CCDC88C: variants seen among roughly 807,000 people sequenced by gnomAD.
CCDC88C encodes protein Daple.
Under a neutral mutation model 198.8 loss-of-function variants are expected in CCDC88C, and 131 were observed. The observed-to-expected ratio is 0.66, with a 90% CI of 0.57 to 0.76. The LOEUF is 0.76. CCDC88C is among the 30% of genes least tolerant of loss of function. The pLI is 0.00. For synonymous variants in CCDC88C, 1,166 were observed against 1,114.7 expected, an observed-to-expected ratio of 1.05 and a Z score of -0.92; for missense variants, 2,553 against 2,631.6, an observed-to-expected ratio of 0.97 and a Z score of 0.65.
In CCDC88C at chr14:91,325,929, T is replaced by A; in HGVS notation, c.1178A>T (p.Lys393Met). The part of the protein sequence containing the change: ...LEKENLQLKS[K>M]LHDLELDRDT... ...CAGTACCAATTCCAGGTCGTGAAGCTTGGATTTCAGCTGCAGGTTCTCCTT... is the reference window on the plus strand; with the variant it reads ...CAGTACCAATTCCAGGTCGTGAAGCATGGATTTCAGCTGCAGGTTCTCCTT... The change falls in exon 11 of 30, where the codon AAG (lysine) becomes ATG (methionine). Residue 393 changes from lysine to methionine, a missense_variant. Transcript: ENST00000389857. The surrounding 1 kb of genome is among the most constrained non-coding windows in gnomAD (Gnocchi z 4.1). 6.4e-7 allele frequency: 1 copy of A among 1,553,606 alleles called. No homozygotes were observed. Among genetic ancestry groups the A allele is most frequent in the South Asian group, 1.2e-5 (1 of 84,212 alleles).
chr14:91,296,052 A>G (rs10143270), intron 22 of CCDC88C, among the ~76,000 whole-genome samples: 58,424 of 152,088 alleles, frequency 0.38, 11,403 homozygotes, highest in Non-Finnish European at 0.42. Flanking sequence ...CAGCCTCCCA[A>G]CCGGAAGAAA....
At chr14:91,334,979 G>A (rs1892988201) in intron 10 of CCDC88C, among the ~76,000 whole-genome samples, 1 of 152,182 alleles carries the variant, frequency 6.6e-6, no homozygotes, top group Non-Finnish European at 1.5e-5. Flanking sequence ...CTCGGCTTCT[G>A]CAGGTATCTG....
In CCDC88C at chr14:91,315,688, T is replaced by G; in HGVS notation, c.1627A>C (p.Ser543Arg). The change falls in exon 14 of 30, where the codon AGT (serine) becomes CGT (arginine). Residue 543 changes from serine to arginine, a missense_variant. Ser to Arg is a moderately radical substitution (Grantham distance 110). Around this residue, in one of 2 missense-constraint regions of CCDC88C, gnomAD observed 1,260 missense variants for 1,412.0 expected, o/e 0.89. Coordinates refer to ENST00000389857, the MANE Select transcript of CCDC88C (RefSeq NM_001080414.4). The stretch of plus-strand genomic sequence containing the variant: ...TCAGCCTTCAGGGTCTCCATGTCAC[T>G]CTGCAGCTGCTCCTTCTCTCTGATC... ...ELIREKEQLQ[S>R]DMETLKADKA... is the part of the protein sequence containing the mutation. 6.2e-7 allele frequency: 1 copy of G among 1,613,928 alleles called. No individual in the cohort carries two copies.
Position 91,313,856 on chromosome 14 carries a change from G to A in CCDC88C, c.1960C>T (p.Leu654=), listed in dbSNP as rs750797069. 3.7e-6 allele frequency: 6 copies of A among 1,603,758 alleles called. No homozygotes were observed. The highest frequency in any genetic ancestry group is 3.3e-5 in the South Asian group (3 of 90,572). Residue 654 remains leucine, a synonymous_variant, in exon 15 of 30, where the codon CTG becomes TTG. Coordinates refer to ENST00000389857, the MANE Select transcript of CCDC88C (RefSeq NM_001080414.4). This position sits in a 1 kb window ranked among gnomAD's most constrained non-coding sequence, Gnocchi z 5.2. ...NGRLARKVTS[L]ETATEKVEAL... ...TCGACTTTCTCGGTGGCTGTCTCCA[G>A]GGAGGTCACCTTCCTGGCCAGCCTC... is the stretch of plus-strand genomic sequence containing the variant.
chr14:91,362,651 C>A (rs370193860), intron 3 of CCDC88C, among the ~76,000 whole-genome samples: 10 of 152,102 alleles, frequency 6.6e-5, no homozygotes, highest in African/African-American at 2.4e-4. Context: ...AACGTTTTGC[C>A]GGGCGCGGTG....
intron 4 of CCDC88C, among the ~76,000 whole-genome samples, chr14:91,344,883 A>C (rs1320680315): frequency 7.3e-6 from 1 of 137,332 alleles, no homozygotes; most frequent in African/African-American, 2.8e-5. Context: ...TGCAGCTTCC[A>C]CCTCCTGGGT....
At chr14:91,321,739 G>A (rs1476588131) in intron 12 of CCDC88C, among the ~76,000 whole-genome samples, 2 of 152,176 alleles carry the variant, frequency 1.3e-5, no homozygotes, top group Admixed American at 6.5e-5. Context: ...GACCACTCCC[G>A]TTGGCCATGG....
In CCDC88C at chr14:91,416,789, A is replaced by G. The variant is rs1210121910; in HGVS notation, c.110T>C (p.Met37Thr). Reference sequence around the variant, plus strand: ...GATGCCGTCCACTAAATCCATGTACATAGTCAGGTTGTCCTGGCTGCCGCT... The same window carrying G: ...GATGCCGTCCACTAAATCCATGTACGTAGTCAGGTTGTCCTGGCTGCCGCT... The part of the protein sequence containing the change: ...FGSGSQDNLT[M>T]YMDLVDGIFL... The change falls in exon 2 of 30, where the codon ATG becomes ACG. Residue 37 changes from methionine (M) to threonine (T), a missense_variant. Coordinates refer to ENST00000389857, the MANE Select transcript of CCDC88C (RefSeq NM_001080414.4). 6 of 1,613,624 alleles carry G rather than the reference A, an allele frequency of 3.7e-6. No homozygotes were observed. Among genetic ancestry groups the G allele is most frequent in the Non-Finnish European group, 4.2e-6 (5 of 1,179,800 alleles).
At chr14:91,355,098 G>C (rs1044817081) in intron 4 of CCDC88C, among the ~76,000 whole-genome samples, 1 of 152,164 alleles carries the variant, frequency 6.6e-6, no homozygotes, top group Non-Finnish European at 1.5e-5. Flanking sequence ...TGGGCTGCTC[G>C]GGCTGCCATG....
intron 16 of CCDC88C, among the ~76,000 whole-genome samples, chr14:91,308,997 C>T (rs886960960): frequency 2.6e-5 from 4 of 152,110 alleles, no homozygotes; most frequent in African/African-American, 4.8e-5. Context: ...GATGCCAAGG[C>T]GGGAGGATCA....
intron 26 of CCDC88C, among the ~76,000 whole-genome samples, 156 bp from the exon 27 acceptor site, chr14:91,281,681 A>G (rs1447905010): frequency 6.6e-6 from 1 of 151,772 alleles, no homozygotes; most frequent in African/African-American, 2.4e-5. Context: ...TGCCTCTCCT[A>G]CCCCTCCACC....
chr14:91,405,382 C>G (rs1886429108), intron 3 of CCDC88C, among the ~76,000 whole-genome samples: 2 of 152,294 alleles, frequency 1.3e-5, no homozygotes, highest in Non-Finnish European at 2.9e-5. Context: ...CACGCAGCAC[C>G]CCAGTCAGAG....
intron 29 of CCDC88C, among the ~76,000 whole-genome samples, chr14:91,277,221 G>C (rs1156904457): frequency 6.6e-6 from 1 of 152,126 alleles, no homozygotes; most frequent in Non-Finnish European, 1.5e-5. Context: ...AGAGATGGTG[G>C]CCAGGCTGGT....
At chr14:91,304,825 T>G (rs904271348) in intron 19 of CCDC88C, among the ~76,000 whole-genome samples, 1 of 152,222 alleles carries the variant, frequency 6.6e-6, no homozygotes, top group Admixed American at 6.5e-5. Context: ...GTAAGAAAAA[T>G]TCAAAATAGT....
Position 91,359,661 on chromosome 14 carries a change from A to G in CCDC88C, c.321T>C (p.Ile107=). 1 of 1,608,790 alleles carries G rather than the reference A, an allele frequency of 6.2e-7. No homozygotes were observed. The highest frequency in any genetic ancestry group is 8.5e-7 in the Non-Finnish European group (1 of 1,177,664). The change falls in exon 4 of 30, where the codon ATT becomes ATC. Residue 107 remains isoleucine (I), a synonymous_variant. Coordinates refer to ENST00000389857, the MANE Select transcript of CCDC88C (RefSeq NM_001080414.4). The part of the protein sequence containing the change: ...IVMNLPNVLM[I]GRDPLSGKSM... ...ACTCACCAGACAGTGGGTCTCTGCCAATCATCAAAACATTGGGCAAATTCA... is the reference window on the plus strand; with the variant it reads ...ACTCACCAGACAGTGGGTCTCTGCCGATCATCAAAACATTGGGCAAATTCA...
At chr14:91,367,178 A>G (rs1183272419) in intron 3 of CCDC88C, among the ~76,000 whole-genome samples, 1 of 152,256 alleles carries the variant, frequency 6.6e-6, no homozygotes, top group Non-Finnish European at 1.5e-5. Context: ...GTTTAGGCCC[A>G]CAGGATGCCC....
chr14:91,366,153 T>TACACACACACACAC (rs57281083), intron 3 of CCDC88C, among the ~76,000 whole-genome samples: 26 of 136,466 alleles, frequency 1.9e-4, no homozygotes, highest in East Asian at 1.4e-3. Context: ...ACTTAAAAAA[T>TACACACACACACAC]ACACACACAC....
chr14:91,282,697 A>C (rs1252029808), intron 26 of CCDC88C, among the ~76,000 whole-genome samples: 1 of 152,178 alleles, frequency 6.6e-6, no homozygotes, highest in Non-Finnish European at 1.5e-5. Flanking sequence ...TAAATCCTTC[A>C]CTGAACCCAT....
intron 4 of CCDC88C, among the ~76,000 whole-genome samples, chr14:91,357,935 C>A (rs1461088397): frequency 6.6e-6 from 1 of 152,208 alleles, no homozygotes; most frequent in South Asian, 2.1e-4. Flanking sequence ...TGGGGGAGGG[C>A]GCTTGCTGCC....
Sources: allele counts gnomAD v4.1 joint callset (sites outside exome capture counted in the v4.1 genomes callset), GRCh38; gene constraint gnomAD v4.1.1; regional missense constraint gnomAD v4.1.1; non-coding constraint Gnocchi (gnomAD v3.1); transcripts MANE v1.5; gene names NCBI Gene and HGNC (gene_info 2026-07-23, HGNC 2026-07-21).